Variants in WDFY4 observed in about 807,000 individuals in gnomAD.
WDFY4 encodes the protein WD repeat- and FYVE domain-containing protein 4.
Under a neutral mutation model 351.9 loss-of-function variants are expected in WDFY4, and 169 were observed. That is an observed-to-expected ratio of 0.48 (90% CI 0.42 to 0.55). The LOEUF is 0.55. Among genes scored for constraint, WDFY4 ranks in the 20% least tolerant of loss-of-function variants. The pLI is 0.00. For missense variants in WDFY4, 3,803 were observed against 3,935.6 expected, an observed-to-expected ratio of 0.97 and a Z score of 0.90; for synonymous variants, 1,622 against 1,574.6, an observed-to-expected ratio of 1.03 and a Z score of -0.71.
chr10:48,907,664 G>A (rs908956613), intron 47 of WDFY4, among the ~76,000 whole-genome samples: 7 of 152,230 alleles, frequency 4.6e-5, no homozygotes, highest in Admixed American at 2.0e-4. Context: ...TTAGCTGGGG[G>A]GAGGCTAAAG....
intron 20 of WDFY4, among the ~76,000 whole-genome samples, chr10:48,788,158 G>C (rs946619003): frequency 2.6e-5 from 4 of 151,784 alleles, no homozygotes; most frequent in East Asian, 1.9e-4. Context: ...CTGCCAAGTA[G>C]CTGGGACTAC....
chr10:48,944,079 C>G (rs190078436), intron 49 of WDFY4, among the ~76,000 whole-genome samples: 1 of 152,210 alleles, frequency 6.6e-6, no homozygotes, highest in Non-Finnish European at 1.5e-5. Flanking sequence ...ATGGGTCAGC[C>G]CTTGTGGGGT....
At chr10:48,729,355 C>T in intron 7 of WDFY4, 77 bp from the exon 8 acceptor site, 6 of 1,517,512 alleles carry the variant, frequency 4.0e-6, no homozygotes, top group Non-Finnish European at 5.3e-6. Flanking sequence ...TTGGCTCTGT[C>T]TCCTTGAGAG....
At chr10:48,960,345 T>C (rs954002389) in intron 53 of WDFY4, among the ~76,000 whole-genome samples, 10 of 152,254 alleles carry the variant, frequency 6.6e-5, no homozygotes, top group Non-Finnish European at 1.3e-4. Context: ...GAGAAATAAA[T>C]TAAAACTACC....
intron 13 of WDFY4, among the ~76,000 whole-genome samples, chr10:48,769,267 TA>T (rs2065781599): frequency 6.6e-6 from 1 of 152,132 alleles, no homozygotes; most frequent in Admixed American, 6.5e-5. Flanking sequence ...TACCAGGCCA[TA>T]AGGGCACTGT....
intron 4 of WDFY4, among the ~76,000 whole-genome samples, chr10:48,722,051 C>T (rs1240907361): frequency 6.6e-6 from 1 of 152,210 alleles, no homozygotes; most frequent in Non-Finnish European, 1.5e-5. Flanking sequence ...ATTCTTCCAG[C>T]TTCTACCTGC....
At chr10:48,933,874 G>A (rs1211756748) in intron 47 of WDFY4, among the ~76,000 whole-genome samples, 2 of 152,210 alleles carry the variant, frequency 1.3e-5, no homozygotes, top group East Asian at 3.9e-4. Context: ...GGGAGAAAGG[G>A]CCTGACATCA....
chr10:48,724,209 C>T (rs750774683), intron 5 of WDFY4, among the ~76,000 whole-genome samples: 49 of 152,112 alleles, frequency 3.2e-4, no homozygotes, highest in Non-Finnish European at 5.4e-4. Context: ...TCGTGTGGCC[C>T]GGGAGGATAC....
chr10:48,927,646 G>C (rs933107119), intron 47 of WDFY4, among the ~76,000 whole-genome samples: 2 of 152,118 alleles, frequency 1.3e-5, no homozygotes, highest in Non-Finnish European at 2.9e-5. Context: ...TCTATCCTTC[G>C]CACCAGCGTG....
chr10:48,822,394 C>A lies in WDFY4; in HGVS notation c.5839C>A (p.Gln1947Lys). The A allele has an allele frequency of 1.3e-6, 2 of 1,546,914 alleles. No individual in the cohort carries two copies. Among genetic ancestry groups the A allele is most frequent in the Non-Finnish European group, 1.7e-6 (2 of 1,144,476 alleles). Residue 1947 changes from glutamine (Q) to lysine (K), a missense_variant, in exon 35 of 62, where the codon CAG (glutamine) becomes AAG (lysine). Around this residue, in one of 3 missense-constraint regions of WDFY4, gnomAD observed 3,054 missense variants for 3,148.6 expected, o/e 0.97. Coordinates refer to ENST00000325239, the MANE Select transcript of WDFY4 (RefSeq NM_001394531.1). ...AAMFRDGKEP[Q>K]PSAEAAAAPS... ...TCACTCCACAGACGGCAAAGAGCCT[C>A]AGCCAAGTGCAGAAGCTGCTGCTGC...
At position 48,819,180 on chromosome 10, in the gene WDFY4, G is replaced by C. The variant is rs574946238; in HGVS notation, c.5506-1054G>C. On this transcript the variant is annotated intron_variant, in intron 32 of 61. Coordinates refer to ENST00000325239, the MANE Select transcript of WDFY4 (RefSeq NM_001394531.1). ...GTCACATCCCCAGCTGATCGCGGGC[G>C]AGGTCGGGCTTTTGTCTTGGGGCTC... Among the ~76,000 whole-genome samples, 28 of 152,310 alleles carry C rather than the reference G, an allele frequency of 1.8e-4. No individual in the cohort carries two copies. In the South Asian group the frequency reaches 5.8e-3, roughly 32 times the overall value.
chr10:48,797,280 C>CA (rs2066909031), intron 24 of WDFY4, among the ~76,000 whole-genome samples: 1 of 152,138 alleles, frequency 6.6e-6, no homozygotes, highest in Non-Finnish European at 1.5e-5. Flanking sequence ...AGAGAGAAGG[C>CA]AGGCCCAAGG....
chr10:48,955,676 G>A (rs1362475588), intron 51 of WDFY4, among the ~76,000 whole-genome samples: 1 of 152,254 alleles, frequency 6.6e-6, no homozygotes, highest in Non-Finnish European at 1.5e-5. Flanking sequence ...CCTTCCTGAT[G>A]CAGCTGCTGT....
At chr10:48,687,340 G>T (rs1186743688) in intron 1 of WDFY4, among the ~76,000 whole-genome samples, 1 of 151,982 alleles carries the variant, frequency 6.6e-6, no homozygotes, top group African/African-American at 2.4e-5. Context: ...ATTAATGACT[G>T]AATTTCTTAG....
intron 51 of WDFY4, among the ~76,000 whole-genome samples, chr10:48,949,625 T>C (rs1353502295): frequency 6.6e-6 from 1 of 152,052 alleles, no homozygotes; most frequent in African/African-American, 2.4e-5. Context: ...GGGTAGATGA[T>C]GGAGTGGGGA....
intron 1 of WDFY4, among the ~76,000 whole-genome samples, chr10:48,694,678 G>A (rs1446978324): frequency 6.6e-6 from 1 of 152,098 alleles, no homozygotes; most frequent in Admixed American, 6.5e-5. Flanking sequence ...ACTCTCTGCA[G>A]GGCCCTCTCA....
In WDFY4 at chr10:48,830,687, C is replaced by T; in HGVS notation, c.6341-13C>T. ...GAGGCCATCCTGAGTGTGCCATGTG[C>T]TCTCTCTGCTAGTCCAACACAACAT... is the stretch of plus-strand genomic sequence containing the variant. On this transcript the variant is annotated splice_polypyrimidine_tract_variant and intron_variant, in intron 37 of 61. Coordinates refer to ENST00000325239, the MANE Select transcript of WDFY4 (RefSeq NM_001394531.1). The T allele has an allele frequency of 6.5e-7, 1 of 1,548,602 alleles. No homozygotes were observed. The highest frequency in any genetic ancestry group is 8.7e-7 in the Non-Finnish European group (1 of 1,145,266).
At chr10:48,925,097 A>G (rs1178628329) in intron 47 of WDFY4, among the ~76,000 whole-genome samples, 3 of 152,194 alleles carry the variant, frequency 2.0e-5, no homozygotes, top group Non-Finnish European at 4.4e-5. Context: ...CTTGTCGGTC[A>G]TCTCTTAAAA....
At chr10:48,789,761 A>G (rs925498777) in intron 21 of WDFY4, 113 bp from the exon 22 acceptor site, 20 of 889,164 alleles carry the variant, frequency 2.2e-5, no homozygotes, top group Admixed American at 9.3e-5. Context: ...ATCATTGCTG[A>G]TGGAGTGTCA....
Sources: allele counts gnomAD v4.1 joint callset (sites outside exome capture counted in the v4.1 genomes callset), GRCh38; gene constraint gnomAD v4.1.1; regional missense constraint gnomAD v4.1.1; transcripts MANE v1.5; gene names NCBI Gene and HGNC (gene_info 2026-07-23, HGNC 2026-07-21).